Variants in SLC4A8 observed in about 807,000 individuals in gnomAD.
SLC4A8 encodes solute carrier family 4 member 8, also known as electroneutral sodium bicarbonate exchanger 1.
In SLC4A8, 40 loss-of-function variants were observed where a neutral mutation model predicts 125.0. That is an observed-to-expected ratio of 0.32 (90% CI 0.25 to 0.42). SLC4A8 has a LOEUF of 0.42. SLC4A8 is among the 10% of genes least tolerant of loss of function. The pLI is 1.00. For missense variants in SLC4A8, 863 were observed against 1,355.1 expected (o/e 0.64, Z 5.70); for synonymous variants, 456 against 476.0 (o/e 0.96, Z 0.55).
chr12:51,400,177 TAACCACCCAG>T, intron 1 of SLC4A8, among the ~76,000 whole-genome samples: 1 of 152,254 alleles, frequency 6.6e-6, no homozygotes, highest in Admixed American at 6.5e-5. Context: ...CAAGGATTTC[TAACCACCCAG>T]AGATCAGGAG....
intron 1 of SLC4A8, among the ~76,000 whole-genome samples, chr12:51,414,956 G>A (rs968064955): frequency 6.6e-6 from 1 of 152,184 alleles, no homozygotes. Context: ...TTAATGTGAT[G>A]TATATTGATT....
In SLC4A8 at chr12:51,453,709, G is replaced by C. The variant is rs1360727339; in HGVS notation, c.574+10G>C. 6.2e-7 allele frequency: 1 copy of C among 1,608,656 alleles called. No homozygotes were observed. Among genetic ancestry groups the C allele is most frequent in the Non-Finnish European group, 8.5e-7 (1 of 1,176,698 alleles). ...ATAGAAGAAATTTCAGGTAAGGTTG[G>C]GGAAGGGAAAACAGAGCAACTTTCT... On this transcript the variant is annotated intron_variant, in intron 5 of 24. Transcript: ENST00000453097.
In SLC4A8 at chr12:51,508,790, G is replaced by A. The variant is rs896593307; in HGVS notation, c.*1352G>A. The A allele has an allele frequency of 2.6e-5, 4 of 152,138 alleles. No individual in the cohort carries two copies. The highest frequency in any genetic ancestry group is 9.7e-5 in the African/African-American group (4 of 41,406). 9.4% of individuals were successfully genotyped at this position (152,138 alleles called of 1,614,324 possible). The stretch of plus-strand genomic sequence containing the variant: ...CAGAATGTAACTAGCAAGCCCATTA[G>A]CACCCAGATAATTCTATCATGTTAG... On this transcript the variant is annotated 3_prime_UTR_variant, in exon 25 of 25. Transcript: ENST00000453097.
At chr12:51,440,574 A>C (rs1394110369) in intron 1 of SLC4A8, 134 bp from the exon 2 acceptor site, 1 of 640,580 alleles carries the variant, frequency 1.6e-6, no homozygotes, top group Non-Finnish European at 2.7e-6. Flanking sequence ...GGTATTGTGA[A>C]GTTCACATGT....
chr12:51,487,305 T>C (rs1032691523), intron 17 of SLC4A8, among the ~76,000 whole-genome samples: 2 of 152,224 alleles, frequency 1.3e-5, no homozygotes, highest in Non-Finnish European at 1.5e-5. Context: ...ACTAGGGGTA[T>C]CACGTCATTA....
At chr12:51,425,191 G>A (rs1422333965) in intron 1 of SLC4A8, 156 bp downstream of exon 1, 1 of 1,422,582 alleles carries the variant, frequency 7.0e-7, no homozygotes, top group Non-Finnish European at 9.2e-7. Context: ...GGCGCTCCGG[G>A]CGGTTGGGGA....
chr12:51,412,371 T>G (rs1948611324), intron 1 of SLC4A8, among the ~76,000 whole-genome samples: 1 of 152,204 alleles, frequency 6.6e-6, no homozygotes, highest in Non-Finnish European at 1.5e-5. Context: ...CAGTATGTAT[T>G]AATCAAATCA....
At chr12:51,495,953 A>G (rs1007300135) in intron 21 of SLC4A8, among the ~76,000 whole-genome samples, 4 of 152,228 alleles carry the variant, frequency 2.6e-5, no homozygotes, top group African/African-American at 9.6e-5. Context: ...GGGTGTACAA[A>G]TATCTGTTTG....
At chr12:51,392,592 A>G (rs1241593952) in intron 1 of SLC4A8, among the ~76,000 whole-genome samples, 6 of 146,194 alleles carry the variant, frequency 4.1e-5, no homozygotes, top group Non-Finnish European at 9.1e-5. Context: ...AAAAAGAAAA[A>G]AAGAAAAGAA....
intron 1 of SLC4A8, among the ~76,000 whole-genome samples, chr12:51,428,553 C>G (rs1485908667): frequency 6.6e-6 from 1 of 152,170 alleles, no homozygotes; most frequent in Non-Finnish European, 1.5e-5. Context: ...GAAAATCTTT[C>G]CCCTCCTCTC....
At chr12:51,395,917 C>A (rs1457584998) in intron 1 of SLC4A8, among the ~76,000 whole-genome samples, 1 of 152,172 alleles carries the variant, frequency 6.6e-6, no homozygotes, top group Non-Finnish European at 1.5e-5. Flanking sequence ...GCTCTACTTT[C>A]CTGCATATTC....
chr12:51,499,105 C>T (rs866216785), intron 22 of SLC4A8, among the ~76,000 whole-genome samples: 45 of 151,178 alleles, frequency 3.0e-4, no homozygotes, highest in South Asian at 1.3e-3. Context: ...CACTTGAACC[C>T]GGGAGGCAGA....
At chr12:51,486,380 G>A (rs561612347) in intron 17 of SLC4A8, among the ~76,000 whole-genome samples, 1 of 152,262 alleles carries the variant, frequency 6.6e-6, no homozygotes, top group East Asian at 1.9e-4. Context: ...GGAACTGAGA[G>A]GAGCCTCATC....
At chr12:51,447,056 G>GTCTATCTATCTATCTA (rs1038724217) in intron 2 of SLC4A8, among the ~76,000 whole-genome samples, 3,372 of 147,316 alleles carry the variant, frequency 0.023, 61 homozygotes, top group African/African-American at 0.034. Context: ...CTGTCTGTCT[G>GTCTATCTATCTATCTA]TCTATCTATC....
At chr12:51,480,141 A>G (rs1950979955) in intron 16 of SLC4A8, 1 of 476,444 alleles carries the variant, frequency 2.1e-6, no homozygotes, top group East Asian at 8.3e-5. Flanking sequence ...GGGTTTCCCC[A>G]TGTTGGCCAG....
intron 10 of SLC4A8, among the ~76,000 whole-genome samples, chr12:51,463,370 T>C (rs1244926110): frequency 6.6e-6 from 1 of 151,852 alleles, no homozygotes; most frequent in East Asian, 1.9e-4. Context: ...CAAGGCTTAG[T>C]TAGGAGTCAG....
chr12:51,463,412 T>G (rs11169843), intron 10 of SLC4A8, among the ~76,000 whole-genome samples: 134 of 39,758 alleles, frequency 3.4e-3, no homozygotes, highest in East Asian at 0.011. Context: ...AATTATGGGG[T>G]GTGTGTGTGT....
chr12:51,448,147 G>T (rs907379575), intron 2 of SLC4A8, among the ~76,000 whole-genome samples: 1 of 152,188 alleles, frequency 6.6e-6, no homozygotes, highest in Non-Finnish European at 1.5e-5. Context: ...TGAGTACTGA[G>T]CATGAAGGTC....
Position 51,450,914 on chromosome 12 carries a change from G to T in SLC4A8, c.169G>T (p.Gly57Cys). 6.2e-7 allele frequency: 1 copy of T among 1,612,494 alleles called. No individual in the cohort carries two copies. The highest frequency in any genetic ancestry group is 8.5e-7 in the Non-Finnish European group (1 of 1,179,212). The change falls in exon 3 of 25, where the codon GGC becomes TGC. Residue 57 changes from glycine (G) to cysteine (C), a missense_variant. Around this residue, in one of 6 missense-constraint regions of SLC4A8, gnomAD observed 104 missense variants for 116.4 expected, o/e 0.89. Transcript: ENST00000453097. ...GTATGTGGGAGTTCGGATGCCGCTT[G>T]GCCGGCAGAGCCATCGGCATCACCG... is the stretch of plus-strand genomic sequence containing the variant. ...TLYVGVRMPL[G>C]RQSHRHHRTH...
Sources: allele counts gnomAD v4.1 joint callset (sites outside exome capture counted in the v4.1 genomes callset), GRCh38; gene constraint gnomAD v4.1.1; regional missense constraint gnomAD v4.1.1; transcripts MANE v1.5; gene names NCBI Gene and HGNC (gene_info 2026-07-23, HGNC 2026-07-21).